Variants in EXOC6B observed in about 807,000 individuals in gnomAD.
EXOC6B encodes SEC15 homolog B.
EXOC6B carries 54 observed loss-of-function variants against 113.5 expected under a neutral mutation model. That is an observed-to-expected ratio of 0.48 (90% CI 0.38 to 0.60). The LOEUF (loss-of-function observed/expected upper bound fraction) is 0.60, where lower values mean the gene tolerates loss of function less well. Among genes scored for constraint, EXOC6B ranks in the 20% least tolerant of loss-of-function variants. The pLI is 0.00. For missense variants in EXOC6B, 797 were observed against 977.5 expected, an observed-to-expected ratio of 0.82 and a Z score of 2.46; for synonymous variants, 357 against 339.0, an observed-to-expected ratio of 1.05 and a Z score of -0.58.
intron 13 of EXOC6B, among the ~76,000 whole-genome samples, chr2:72,497,142 T>C (rs1056007330): frequency 6.6e-6 from 1 of 151,766 alleles, no homozygotes; most frequent in Admixed American, 6.6e-5. Context: ...TCGGGCTAAT[T>C]TTTAATTTTT....
chr2:72,475,914 G>T (rs866835200), intron 17 of EXOC6B, among the ~76,000 whole-genome samples: 2 of 152,286 alleles, frequency 1.3e-5, no homozygotes. Flanking sequence ...CCTGGTGTGG[G>T]TGGCCCCTGG....
At chr2:72,414,715 G>A (rs1694412263) in intron 18 of EXOC6B, among the ~76,000 whole-genome samples, 1 of 152,138 alleles carries the variant, frequency 6.6e-6, no homozygotes, top group South Asian at 2.1e-4. Context: ...AAGTCAGTTT[G>A]ACAGATTCAA....
In EXOC6B at chr2:72,421,454, C is replaced by T. The variant is rs181351798; in HGVS notation, c.1981-41584G>A. On this transcript the variant is annotated intron_variant, in intron 18 of 21. Transcript: ENST00000272427. ...CTAATTTTCAGATAAATTTCACCTA[C>T]TTTTAATAAATTCCAAAGCAAATTT... 4.7e-4 allele frequency among the ~76,000 whole-genome samples: 71 copies of T among 152,256 alleles called. 2 individuals are homozygous for T. Among genetic ancestry groups the T allele is most frequent in the Middle Eastern group, 3.4e-3 (1 of 292 alleles).
At chr2:72,522,791 A>AATGTACAT (rs1701560927) in intron 8 of EXOC6B, among the ~76,000 whole-genome samples, 1 of 152,178 alleles carries the variant, frequency 6.6e-6, no homozygotes, top group Non-Finnish European at 1.5e-5. Context: ...TTTCACATGT[A>AATGTACAT]ATGTACATAT....
chr2:72,282,316 G>A (rs573009070), intron 20 of EXOC6B, among the ~76,000 whole-genome samples: 1 of 152,180 alleles, frequency 6.6e-6, no homozygotes, highest in African/African-American at 2.4e-5. Flanking sequence ...TTGAATTAAA[G>A]TAGTCTAAAG....
chr2:72,290,167 C>CTAATTATA (rs1685695918), intron 20 of EXOC6B, among the ~76,000 whole-genome samples: 3 of 152,158 alleles, frequency 2.0e-5, no homozygotes, highest in African/African-American at 7.2e-5. Context: ...GCTCTGCTGG[C>CTAATTATA]TCTCCAGCCT....
intron 18 of EXOC6B, among the ~76,000 whole-genome samples, chr2:72,401,411 G>A (rs577561198): frequency 3.9e-4 from 56 of 143,570 alleles, no homozygotes; most frequent in African/African-American, 1.3e-3. Context: ...GCAGTGAGCC[G>A]AGATCATGCC....
intron 8 of EXOC6B, among the ~76,000 whole-genome samples, chr2:72,540,269 T>C (rs185220481): frequency 9.2e-5 from 14 of 152,250 alleles, no homozygotes; most frequent in African/African-American, 3.4e-4. Flanking sequence ...TGTGCATGTG[T>C]CTTTATAGCA....
intron 21 of EXOC6B, among the ~76,000 whole-genome samples, chr2:72,182,532 G>C (rs1353907288): frequency 2.6e-5 from 4 of 152,128 alleles, no homozygotes; most frequent in African/African-American, 4.8e-5. Flanking sequence ...AAGCCACCAA[G>C]AGGTAGGGGA....
At chr2:72,714,921 A>G (rs916986056) in intron 6 of EXOC6B, among the ~76,000 whole-genome samples, 1 of 152,232 alleles carries the variant, frequency 6.6e-6, no homozygotes, top group African/African-American at 2.4e-5. Context: ...GATGCCTACT[A>G]CATTTTGAGG....
intron 5 of EXOC6B, among the ~76,000 whole-genome samples, chr2:72,721,390 G>GAAAAAAA (rs1679996399): frequency 1.9e-5 from 1 of 52,030 alleles, no homozygotes; most frequent in African/African-American, 8.6e-5. Flanking sequence ...AAAAAAAAAT[G>GAAAAAAA]AACAAAGAAA....
intron 5 of EXOC6B, among the ~76,000 whole-genome samples, chr2:72,720,758 A>C (rs540853068): frequency 6.6e-6 from 1 of 152,210 alleles, no homozygotes; most frequent in East Asian, 1.9e-4. Flanking sequence ...GTCAAAAAAT[A>C]AAAATAAAAA....
chr2:72,302,498 A>T (rs1008913687), intron 20 of EXOC6B, among the ~76,000 whole-genome samples: 19 of 152,060 alleles, frequency 1.2e-4, no homozygotes, highest in Non-Finnish European at 2.5e-4. Context: ...TGCTTTATGA[A>T]TCTAGGTGCT....
chr2:72,438,368 G>T (rs1048884157), intron 18 of EXOC6B, among the ~76,000 whole-genome samples: 2 of 152,008 alleles, frequency 1.3e-5, no homozygotes, highest in Non-Finnish European at 2.9e-5. Context: ...CAGTGCTCTG[G>T]GAAACCGAGG....
chr2:72,708,504 T>C (rs1679039287), intron 6 of EXOC6B, among the ~76,000 whole-genome samples: 1 of 152,174 alleles, frequency 6.6e-6, no homozygotes, highest in Admixed American at 6.5e-5. Flanking sequence ...ATTCCATTTA[T>C]ACAATATTCT....
chr2:72,282,115 A>G (rs367996131), intron 20 of EXOC6B, among the ~76,000 whole-genome samples: 1 of 152,172 alleles, frequency 6.6e-6, no homozygotes, highest in African/African-American at 2.4e-5. Context: ...AAAAGCTGAG[A>G]TGATTCAACA....
chr2:72,689,790 C>G (rs1484878340), intron 6 of EXOC6B, among the ~76,000 whole-genome samples: 1 of 152,198 alleles, frequency 6.6e-6, no homozygotes, highest in Non-Finnish European at 1.5e-5. Context: ...TAATGCAGCA[C>G]AGGGGACATA....
At chr2:72,654,417 T>C (rs1406273079) in intron 6 of EXOC6B, among the ~76,000 whole-genome samples, 1 of 152,214 alleles carries the variant, frequency 6.6e-6, no homozygotes, top group Non-Finnish European at 1.5e-5. Flanking sequence ...AAATTTATAA[T>C]TAGCAGGGTT....
intron 6 of EXOC6B, among the ~76,000 whole-genome samples, chr2:72,676,253 C>T (rs999697336): frequency 2.0e-5 from 3 of 152,108 alleles, no homozygotes; most frequent in African/African-American, 7.2e-5. Flanking sequence ...TGTCTCTCAA[C>T]TCAGAACTTC....
Sources: gnomAD v4.1 joint callset for allele counts (sites outside exome capture counted in the v4.1 genomes callset) on GRCh38, gnomAD v4.1.1 for gene constraint, MANE v1.5 for transcripts, NCBI Gene and HGNC (gene_info 2026-07-23, HGNC 2026-07-21) for gene names.